Variants in MAPK4 observed in about 807,000 individuals in gnomAD.
The protein encoded by MAPK4 is Erk3-related.
In MAPK4, 22 loss-of-function variants were observed where a neutral mutation model predicts 47.7. The ratio of observed to expected loss-of-function variants is 0.46; its 90% CI spans 0.33 to 0.66. The LOEUF is 0.66. Ranked by LOEUF, MAPK4 falls within the 30% of genes least tolerant of loss-of-function variation. The probability of loss-of-function intolerance (pLI) is 0.02; values close to 1 mark genes in which losing one functional copy is unlikely to be tolerated. For synonymous variants in MAPK4, 390 were observed against 365.7 expected, an observed-to-expected ratio of 1.07 and a Z score of -0.76; for missense variants, 736 against 831.7, an observed-to-expected ratio of 0.88 and a Z score of 1.42.
chr18:50,728,747 TCAA>T (rs1424777603), intron 5 of MAPK4, among the ~76,000 whole-genome samples: 1 of 152,176 alleles, frequency 6.6e-6, no homozygotes, highest in Non-Finnish European at 1.5e-5. Context: ...ATCTACAGAA[TCAA>T]CATCTGCATT....
At chr18:50,598,327 C>T (rs1031843815) in intron 1 of MAPK4, among the ~76,000 whole-genome samples, 1 of 151,946 alleles carries the variant, frequency 6.6e-6, no homozygotes, top group Non-Finnish European at 1.5e-5. Flanking sequence ...AACAGTCCTC[C>T]CGCTTCATTC....
At chr18:50,610,774 C>A (rs570602044) in intron 1 of MAPK4, among the ~76,000 whole-genome samples, 1 of 152,334 alleles carries the variant, frequency 6.6e-6, no homozygotes, top group East Asian at 1.9e-4. Flanking sequence ...CATTTACCCC[C>A]TCTCCTGGGC....
chr18:50,590,093 C>T (rs912724105), intron 1 of MAPK4, among the ~76,000 whole-genome samples: 4 of 152,172 alleles, frequency 2.6e-5, no homozygotes, highest in Non-Finnish European at 4.4e-5. Flanking sequence ...GATCCAGTTC[C>T]TCTATTTCAG....
At chr18:50,592,046 A>G (rs566576998) in intron 1 of MAPK4, among the ~76,000 whole-genome samples, 1 of 152,308 alleles carries the variant, frequency 6.6e-6, no homozygotes, top group African/African-American at 2.4e-5. Flanking sequence ...TGGGAAGTTA[A>G]TTAAGGAGCT....
At chr18:50,686,789 C>T (rs1403386784) in intron 2 of MAPK4, among the ~76,000 whole-genome samples, 5 of 152,156 alleles carry the variant, frequency 3.3e-5, no homozygotes, top group Admixed American at 2.6e-4. Context: ...GGCTGACTGG[C>T]GGAGAAGAAA....
chr18:50,574,737 A>G (rs1047869408), intron 1 of MAPK4, among the ~76,000 whole-genome samples: 5 of 152,212 alleles, frequency 3.3e-5, no homozygotes, highest in Non-Finnish European at 7.3e-5. Context: ...TTGTAGCTCT[A>G]CCTCCTTTTA....
intron 5 of MAPK4, among the ~76,000 whole-genome samples, chr18:50,728,784 G>A (rs1163085524): frequency 6.6e-6 from 1 of 152,132 alleles, no homozygotes; most frequent in African/African-American, 2.4e-5. Flanking sequence ...CAGGTGATTC[G>A]TGCATCTATC....
chr18:50,611,678 AG>A (rs1218869744), intron 1 of MAPK4, among the ~76,000 whole-genome samples: 1 of 152,212 alleles, frequency 6.6e-6, no homozygotes, highest in African/African-American at 2.4e-5. Flanking sequence ...TTAATGACGT[AG>A]CGTTTGATCT....
intron 1 of MAPK4, among the ~76,000 whole-genome samples, chr18:50,647,718 T>C (rs2043003397): frequency 6.6e-6 from 1 of 152,172 alleles, no homozygotes; most frequent in South Asian, 2.1e-4. Flanking sequence ...CCATTTTCTG[T>C]CCTTTGCCAC....
chr18:50,623,511 G>A (rs951136929), intron 1 of MAPK4, among the ~76,000 whole-genome samples: 4 of 152,160 alleles, frequency 2.6e-5, no homozygotes, highest in African/African-American at 9.7e-5. Context: ...GATCCCATTA[G>A]TTCCACTTCC....
chr18:50,574,695 G>A, intron 1 of MAPK4, among the ~76,000 whole-genome samples: 1 of 152,196 alleles, frequency 6.6e-6, no homozygotes, highest in East Asian at 1.9e-4. Context: ...AGGCTGTACT[G>A]AGCTTATTTT....
Position 50,730,159 on chromosome 18 carries a change from G to T in MAPK4, c.*305G>T. 3.8e-6 allele frequency: 1 copy of T among 261,136 alleles called. No individual in the cohort carries two copies. The highest frequency in any genetic ancestry group is 5.3e-5 in the Admixed American group (1 of 18,916). 16.2% of individuals were successfully genotyped at this position (261,136 alleles called of 1,614,324 possible). ...GACAGCAGTCTGCGGGCCCCACCTG[G>T]GTGGCAGGATGCCGAGAAATCTTGC... is the stretch of plus-strand genomic sequence containing the variant. On this transcript the variant is annotated 3_prime_UTR_variant, in exon 6 of 6. Coordinates refer to ENST00000400384, the MANE Select transcript of MAPK4 (RefSeq NM_002747.4).
At chr18:50,599,211 C>T (rs1184302353) in intron 1 of MAPK4, among the ~76,000 whole-genome samples, 2 of 152,124 alleles carry the variant, frequency 1.3e-5, no homozygotes, top group Non-Finnish European at 2.9e-5. Context: ...TCACTGTGTA[C>T]CTTGAGAACA....
At chr18:50,675,726 G>A (rs1018338664) in intron 2 of MAPK4, among the ~76,000 whole-genome samples, 5 of 152,126 alleles carry the variant, frequency 3.3e-5, no homozygotes, top group East Asian at 1.9e-4. Flanking sequence ...TCTTGACCTC[G>A]TGATCTGCCC....
At chr18:50,625,840 G>A (rs1486654406) in intron 1 of MAPK4, among the ~76,000 whole-genome samples, 2 of 151,640 alleles carry the variant, frequency 1.3e-5, no homozygotes, top group Non-Finnish European at 2.9e-5. Flanking sequence ...GTTTCTTGGT[G>A]TATTAGGGTT....
intron 1 of MAPK4, among the ~76,000 whole-genome samples, chr18:50,576,910 T>C (rs1382809843): frequency 6.6e-6 from 1 of 152,180 alleles, no homozygotes; most frequent in Non-Finnish European, 1.5e-5. Flanking sequence ...CTCTACAAAT[T>C]CAATTCAGTT....
At chr18:50,696,179 G>A (rs1429691104) in intron 2 of MAPK4, among the ~76,000 whole-genome samples, 1 of 151,890 alleles carries the variant, frequency 6.6e-6, no homozygotes, top group Non-Finnish European at 1.5e-5. Flanking sequence ...CAAGAGTCAG[G>A]GCACCAGCGG....
chr18:50,692,036 A>T (rs1233782389), intron 2 of MAPK4, among the ~76,000 whole-genome samples: 1 of 152,230 alleles, frequency 6.6e-6, no homozygotes, highest in East Asian at 1.9e-4. Flanking sequence ...ACACTTTAGT[A>T]TGAATGTAAC....
At chr18:50,576,974 C>T (rs1429022111) in intron 1 of MAPK4, among the ~76,000 whole-genome samples, 1 of 152,156 alleles carries the variant, frequency 6.6e-6, no homozygotes. Context: ...AATTATAAGA[C>T]AGACCCTGCT....
Sources: allele counts gnomAD v4.1 joint callset (sites outside exome capture counted in the v4.1 genomes callset), GRCh38; gene constraint gnomAD v4.1.1; transcripts MANE v1.5; gene names NCBI Gene and HGNC (gene_info 2026-07-23, HGNC 2026-07-21).